Variants in COL8A1 observed in about 807,000 individuals in gnomAD.
The protein encoded by COL8A1 is collagen type VIII alpha 1 chain, also known as collagen alpha-1(VIII) chain.
A neutral mutation model predicts 42.7 loss-of-function variants in COL8A1; 21 were observed. The ratio of observed to expected loss-of-function variants is 0.49; its 90% CI spans 0.35 to 0.71. The LOEUF (loss-of-function observed/expected upper bound fraction) is 0.71, where lower values mean the gene tolerates loss of function less well. COL8A1 is among the 30% of genes least tolerant of loss of function. The pLI, the probability that COL8A1 is intolerant of heterozygous loss-of-function variation, is 0.01. For missense variants in COL8A1, 788 were observed against 962.4 expected (o/e 0.82, Z 2.40); for synonymous variants, 367 against 369.1 (o/e 0.99, Z 0.06).
intron 1 of COL8A1, among the ~76,000 whole-genome samples, chr3:99,696,684 TC>T (rs1382311279): frequency 6.6e-6 from 1 of 152,164 alleles, no homozygotes; most frequent in Non-Finnish European, 1.5e-5. Flanking sequence ...CAGCCATTCA[TC>T]AGTCCCCGGG....
chr3:99,753,040 A>C (rs1941184715), intron 2 of COL8A1, among the ~76,000 whole-genome samples: 1 of 152,136 alleles, frequency 6.6e-6, no homozygotes, highest in East Asian at 1.9e-4. Context: ...GGACTGGGCA[A>C]AATGTTATCT....
intron 1 of COL8A1, among the ~76,000 whole-genome samples, chr3:99,687,642 G>A (rs566824575): frequency 6.6e-6 from 1 of 152,322 alleles, no homozygotes; most frequent in South Asian, 2.1e-4. Flanking sequence ...ACACGTAGCT[G>A]ATACAGACCA....
At chr3:99,708,164 G>C (rs1210225972) in intron 1 of COL8A1, among the ~76,000 whole-genome samples, 1 of 152,054 alleles carries the variant, frequency 6.6e-6, no homozygotes, top group East Asian at 1.9e-4. Flanking sequence ...AAAATTAAGG[G>C]AAAATCACAG....
At chr3:99,734,418 A>C (rs1332245135) in intron 1 of COL8A1, among the ~76,000 whole-genome samples, 1 of 149,374 alleles carries the variant, frequency 6.7e-6, no homozygotes, top group Non-Finnish European at 1.5e-5. Context: ...TCCTTTCCCC[A>C]TTGCTTGTTT....
At position 99,796,178 on chromosome 3, in the gene COL8A1, A is replaced by G; in HGVS notation, c.*42A>G. The G allele has an allele frequency of 2.1e-6, 3 of 1,411,048 alleles. No homozygotes were observed. The highest frequency in any genetic ancestry group is 9.3e-7 in the Non-Finnish European group (1 of 1,070,794). The allele number at this position is 1,411,048 out of a possible 1,614,324, so 87.4% of individuals were successfully genotyped here. ...AACAAAGAAAAGAAAGAGATTTTAT[A>G]GAAGAAAATGACACACCAAAAAATC... On this transcript the variant is annotated 3_prime_UTR_variant, in exon 4 of 4. Coordinates refer to ENST00000652472, the MANE Select transcript of COL8A1 (RefSeq NM_020351.4).
chr3:99,784,773 T>C (rs935666193), intron 2 of COL8A1, among the ~76,000 whole-genome samples: 6 of 152,212 alleles, frequency 3.9e-5, no homozygotes, highest in Admixed American at 3.9e-4. Context: ...AGCATCATTA[T>C]GCACCTCATG....
intron 2 of COL8A1, among the ~76,000 whole-genome samples, chr3:99,789,056 C>T (rs1408178390): frequency 6.6e-6 from 1 of 151,942 alleles, no homozygotes; most frequent in Non-Finnish European, 1.5e-5. Context: ...TCATTTTTTC[C>T]AGGGAAAAAA....
At chr3:99,707,779 G>A (rs1024180451) in intron 1 of COL8A1, among the ~76,000 whole-genome samples, 1 of 152,132 alleles carries the variant, frequency 6.6e-6, no homozygotes, top group Non-Finnish European at 1.5e-5. Flanking sequence ...CTCTGTCCAT[G>A]TATATATGTT....
intron 1 of COL8A1, among the ~76,000 whole-genome samples, chr3:99,740,052 G>A (rs961180811): frequency 6.6e-6 from 1 of 152,270 alleles, no homozygotes; most frequent in South Asian, 2.1e-4. Context: ...AAATGTGCCA[G>A]TCTCTTTGCT....
At chr3:99,727,778 A>G (rs929872154) in intron 1 of COL8A1, among the ~76,000 whole-genome samples, 2 of 152,046 alleles carry the variant, frequency 1.3e-5, no homozygotes. Context: ...CAGCACATCC[A>G]AAAGCTTATC....
intron 1 of COL8A1, among the ~76,000 whole-genome samples, chr3:99,712,129 T>G (rs938605359): frequency 2.0e-5 from 3 of 152,166 alleles, no homozygotes; most frequent in Non-Finnish European, 4.4e-5. Flanking sequence ...TAGAAGAGAA[T>G]GCATTTGGGG....
intron 1 of COL8A1, among the ~76,000 whole-genome samples, chr3:99,660,866 C>T (rs1048155150): frequency 2.0e-5 from 3 of 152,130 alleles, no homozygotes; most frequent in Non-Finnish European, 4.4e-5. Flanking sequence ...ACCATAATGT[C>T]ACAGGCTTTT....
At chr3:99,684,416 C>T (rs905690350) in intron 1 of COL8A1, among the ~76,000 whole-genome samples, 2 of 152,140 alleles carry the variant, frequency 1.3e-5, no homozygotes, top group African/African-American at 4.8e-5. Flanking sequence ...CTCTGCCTGC[C>T]TTCCTAAAGC....
intron 2 of COL8A1, among the ~76,000 whole-genome samples, chr3:99,763,120 G>A (rs1941395415): frequency 6.6e-6 from 1 of 152,160 alleles, no homozygotes; most frequent in Non-Finnish European, 1.5e-5. Context: ...TCTTTGAATT[G>A]CAAGTGCAGT....
chr3:99,691,190 A>T (rs1939208713), intron 1 of COL8A1, among the ~76,000 whole-genome samples: 2 of 152,190 alleles, frequency 1.3e-5, no homozygotes, highest in Admixed American at 1.3e-4. Context: ...GAATGAGATA[A>T]TGTGGCCAAA....
intron 1 of COL8A1, among the ~76,000 whole-genome samples, chr3:99,699,153 T>A (rs1471295134): frequency 5.3e-5 from 8 of 152,198 alleles, no homozygotes; most frequent in Non-Finnish European, 1.2e-4. Context: ...CTCCATCACA[T>A]GTATCCAAAC....
chr3:99,662,454 T>C (rs905891432), intron 1 of COL8A1, among the ~76,000 whole-genome samples: 1 of 152,130 alleles, frequency 6.6e-6, no homozygotes, highest in Non-Finnish European at 1.5e-5. Context: ...CATGCAAGTC[T>C]TTCAAATGAG....
At chr3:99,723,476 A>G (rs1222011487) in intron 1 of COL8A1, among the ~76,000 whole-genome samples, 1 of 152,080 alleles carries the variant, frequency 6.6e-6, no homozygotes, top group East Asian at 1.9e-4. Context: ...AACAAAACTC[A>G]CCAAAGTAAT....
At chr3:99,786,441 T>C (rs1370994048) in intron 2 of COL8A1, among the ~76,000 whole-genome samples, 2 of 152,114 alleles carry the variant, frequency 1.3e-5, no homozygotes, top group Non-Finnish European at 2.9e-5. Flanking sequence ...TACAGCAAAA[T>C]GGTGTCATCT....
Sources: gnomAD v4.1 joint callset for allele counts (sites outside exome capture counted in the v4.1 genomes callset) on GRCh38, gnomAD v4.1.1 for gene constraint, MANE v1.5 for transcripts, NCBI Gene and HGNC (gene_info 2026-07-23, HGNC 2026-07-21) for gene names.